TCF12: variants seen among roughly 807,000 people sequenced by gnomAD.
TCF12 encodes the protein transcription factor 12, also known as DNA-binding protein HTF4.
TCF12 carries 45 observed loss-of-function variants against 86.0 expected under a neutral mutation model. The ratio of observed to expected loss-of-function variants is 0.52; its 90% CI spans 0.41 to 0.67. The LOEUF is 0.67. Among genes scored for constraint, TCF12 ranks in the 30% least tolerant of loss-of-function variants. TCF12 has a pLI of 0.00. For missense variants in TCF12, 881 were observed against 859.9 expected, an observed-to-expected ratio of 1.02 and a Z score of -0.31; for synonymous variants, 330 against 299.6, an observed-to-expected ratio of 1.10 and a Z score of -1.05.
chr15:56,981,963 G>C (rs1285240198), intron 3 of TCF12, among the ~76,000 whole-genome samples: 1 of 152,118 alleles, frequency 6.6e-6, no homozygotes, highest in Non-Finnish European at 1.5e-5. Context: ...GATAGAATGG[G>C]AGGCAGGATA....
At chr15:56,958,576 AAT>A (rs1251837087) in intron 3 of TCF12, among the ~76,000 whole-genome samples, 1 of 152,108 alleles carries the variant, frequency 6.6e-6, no homozygotes, top group African/African-American at 2.4e-5. Context: ...GGAGAGTACA[AAT>A]ATAGAACTTT....
chr15:57,085,770 A>G (rs1454352391), intron 4 of TCF12, among the ~76,000 whole-genome samples: 2 of 152,196 alleles, frequency 1.3e-5, no homozygotes, highest in South Asian at 2.1e-4. Flanking sequence ...ACTTTGAAGC[A>G]TAAACACTTA....
rs776245878 is a variant in TCF12 at position 56,921,063 on chromosome 15, C to G, written c.113C>G (p.Pro38Arg). 1.9e-6 allele frequency: 3 copies of G among 1,607,872 alleles called. No individual in the cohort carries two copies. Among genetic ancestry groups the G allele is most frequent in the Non-Finnish European group, 2.5e-6 (3 of 1,176,550 alleles). ...SPPVNSGKTR[P>R]TTLGSSQFSG... ...CCTGTTAATAGTGGGAAAACTAGAC[C>G]AACTACACTGGGAAGCAGTCAATTC... Residue 38 changes from proline to arginine, a missense_variant, in exon 3 of 21, where the codon CCA becomes CGA. By Grantham distance (103) the Pro-to-Arg change is moderately radical (BLOSUM62 -2). Coordinates refer to ENST00000333725, the MANE Select transcript of TCF12 (RefSeq NM_207037.2).
chr15:57,116,037 A>G (rs2050812088), intron 5 of TCF12, among the ~76,000 whole-genome samples: 1 of 152,198 alleles, frequency 6.6e-6, no homozygotes, highest in Non-Finnish European at 1.5e-5. Context: ...TTTCCATAAC[A>G]TTGCCTCATT....
intron 6 of TCF12, among the ~76,000 whole-genome samples, chr15:57,189,904 A>G (rs1314887946): frequency 1.3e-5 from 2 of 152,262 alleles, no homozygotes; most frequent in East Asian, 3.8e-4. Context: ...TATCCTAAAA[A>G]GGAATGAGGT....
chr15:57,169,425 A>G (rs1275526752), intron 6 of TCF12, among the ~76,000 whole-genome samples: 2 of 152,192 alleles, frequency 1.3e-5, no homozygotes, highest in African/African-American at 2.4e-5. Flanking sequence ...TAGAGTGAAG[A>G]GACCTAGGTT....
intron 5 of TCF12, among the ~76,000 whole-genome samples, chr15:57,104,225 A>G (rs1451880292): frequency 1.3e-5 from 2 of 152,034 alleles, no homozygotes; most frequent in African/African-American, 2.4e-5. Flanking sequence ...ATGAGCATGT[A>G]TTTATACAGA....
chr15:57,096,260 A>G (rs2049314903), intron 5 of TCF12, among the ~76,000 whole-genome samples: 1 of 152,220 alleles, frequency 6.6e-6, no homozygotes, highest in Non-Finnish European at 1.5e-5. Context: ...CTGAAAAAAG[A>G]AAAAGCTGAT....
At chr15:56,922,717 T>A (rs2059845903) in intron 3 of TCF12, among the ~76,000 whole-genome samples, 1 of 152,054 alleles carries the variant, frequency 6.6e-6, no homozygotes, top group Non-Finnish European at 1.5e-5. Context: ...TATCTGTGTG[T>A]TTTGTTTTAA....
chr15:57,068,193 T>A (rs1373221275), intron 4 of TCF12, among the ~76,000 whole-genome samples: 1 of 152,154 alleles, frequency 6.6e-6, no homozygotes, highest in Non-Finnish European at 1.5e-5. Context: ...ATCTGTGAAA[T>A]GGGGATAATG....
chr15:57,221,404 G>GTGTGTA (rs2058587810), intron 8 of TCF12, among the ~76,000 whole-genome samples: 1 of 151,736 alleles, frequency 6.6e-6, no homozygotes, highest in African/African-American at 2.4e-5. Context: ...GTGTGTGTGT[G>GTGTGTA]TGTGTGTGCA....
intron 3 of TCF12, among the ~76,000 whole-genome samples, chr15:57,021,813 T>C (rs2065501716): frequency 6.6e-6 from 1 of 151,966 alleles, no homozygotes; most frequent in African/African-American, 2.4e-5. Context: ...TGAATATATA[T>C]GGAGGGCCGA....
Position 57,280,032 on chromosome 15 carries a change from T to C in TCF12, c.1979-2413T>C, listed in dbSNP as rs369513623. Among the ~76,000 whole-genome samples the C allele has an allele frequency of 3.0e-3, 463 of 152,130 alleles. 3 individuals carry two copies. The highest frequency in any genetic ancestry group is 0.011 in the African/African-American group (444 of 41,468). On this transcript the variant is annotated intron_variant, in intron 19 of 20. Coordinates refer to ENST00000333725, the MANE Select transcript of TCF12 (RefSeq NM_207037.2). ...TCTCAGCCTCCCGAGTAGCTGAGATTATAGGCACCCGCCACCACGCCTGGC... is the reference window on the plus strand; with the variant it reads ...TCTCAGCCTCCCGAGTAGCTGAGATCATAGGCACCCGCCACCACGCCTGGC...
chr15:57,096,541 A>G (rs926911701), intron 5 of TCF12, among the ~76,000 whole-genome samples: 1 of 152,142 alleles, frequency 6.6e-6, no homozygotes, highest in South Asian at 2.1e-4. Context: ...AAAATGGTAT[A>G]GTTTTTGCAT....
At chr15:56,987,696 A>G (rs187218108) in intron 3 of TCF12, among the ~76,000 whole-genome samples, 39 of 152,348 alleles carry the variant, frequency 2.6e-4, no homozygotes, top group African/African-American at 8.9e-4. Flanking sequence ...ACCAATTAAC[A>G]TTGTACTATA....
chr15:57,196,340 A>T (rs1263544256), intron 7 of TCF12, among the ~76,000 whole-genome samples: 1 of 152,230 alleles, frequency 6.6e-6, no homozygotes, highest in Non-Finnish European at 1.5e-5. Flanking sequence ...GAGGATATGC[A>T]TAGGTTATAT....
At chr15:57,035,020 T>C (rs1422811792) in intron 3 of TCF12, among the ~76,000 whole-genome samples, 1 of 152,204 alleles carries the variant, frequency 6.6e-6, no homozygotes, top group Admixed American at 6.5e-5. Context: ...AGTTTCCAGA[T>C]CACTGCGCAT....
intron 16 of TCF12, among the ~76,000 whole-genome samples, chr15:57,255,996 C>G (rs1173174743): frequency 6.6e-6 from 1 of 152,196 alleles, no homozygotes; most frequent in Non-Finnish European, 1.5e-5. Context: ...CAGAAATCAT[C>G]TGCTATCTTC....
chr15:57,187,055 T>G (rs1226039756), intron 6 of TCF12, among the ~76,000 whole-genome samples: 3 of 151,900 alleles, frequency 2.0e-5, no homozygotes, highest in Non-Finnish European at 4.4e-5. Flanking sequence ...GTGGCACACA[T>G]CTGTAATCCC....
Sources: gnomAD v4.1 joint callset for allele counts (sites outside exome capture counted in the v4.1 genomes callset) on GRCh38, gnomAD v4.1.1 for gene constraint, MANE v1.5 for transcripts, NCBI Gene and HGNC (gene_info 2026-07-23, HGNC 2026-07-21) for gene names.